The following NAV3 variants were observed in gnomAD, a reference collection of about 807,000 sequenced individuals.
NAV3 encodes neuron navigator 3, also known as pore membrane and/or filament interacting like protein 1.
NAV3 carries 87 observed loss-of-function variants against 244.7 expected under a neutral mutation model. The observed-to-expected ratio is 0.36, with a 90% CI of 0.30 to 0.42. The LOEUF (loss-of-function observed/expected upper bound fraction) is 0.42. NAV3 is among the 20% of genes least tolerant of loss of function. The probability of loss-of-function intolerance (pLI) is 1.00; values close to 1 mark genes in which losing one functional copy is unlikely to be tolerated. For synonymous variants in NAV3, 1,126 were observed against 1,042.2 expected (o/e 1.08, Z -1.55); for missense variants, 2,663 against 2,893.3 (o/e 0.92, Z 1.83).
At chr12:77,580,979 CA>C (rs1869335726) in intron 2 of NAV3, among the ~76,000 whole-genome samples, 1 of 152,144 alleles carries the variant, frequency 6.6e-6, no homozygotes, top group African/African-American at 2.4e-5. Flanking sequence ...GTTCCCCTGC[CA>C]TACTTCTCCA....
chr12:78,055,305 CAGAT>C (rs1417694770), intron 11 of NAV3, among the ~76,000 whole-genome samples: 1 of 151,240 alleles, frequency 6.6e-6, no homozygotes, highest in African/African-American at 2.5e-5. Flanking sequence ...TATTCTTAAA[CAGAT>C]AGTTGTTTTA....
intron 12 of NAV3, among the ~76,000 whole-genome samples, chr12:78,085,073 ATAAAG>A (rs1222541842): frequency 1.3e-5 from 2 of 152,186 alleles, no homozygotes; most frequent in East Asian, 1.9e-4. Context: ...TCCTATAAAA[ATAAAG>A]TATAGAAGAT....
rs531698636 is a variant in NAV3, at chr12:78,013,815, G to A, written c.1907+6370G>A. Among the ~76,000 whole-genome samples, 71 of 152,164 alleles carry A rather than the reference G, an allele frequency of 4.7e-4. 1 individual carries two copies. Among genetic ancestry groups the A allele is most frequent in the African/African-American group, 1.6e-3 (66 of 41,538 alleles). ...GAATTTCTTAGGTTTGTTAAATCTC[G>A]AAGGAGGTTCCAGTTATTGGAAGAA... On this transcript the variant is annotated intron_variant, in intron 8 of 39. Transcript: ENST00000397909.
intron 2 of NAV3, among the ~76,000 whole-genome samples, chr12:77,611,033 C>A (rs1193036678): frequency 6.6e-6 from 1 of 150,572 alleles, no homozygotes; most frequent in African/African-American, 2.4e-5. Flanking sequence ...AACTGTTTAG[C>A]TCTGCTTAAT....
chr12:77,831,770 T>TG (rs1873747604), intron 1 of NAV3, 66 bp downstream of exon 1: 1 of 1,501,070 alleles, frequency 6.7e-7, no homozygotes, highest in South Asian at 1.3e-5. Context: ...AAGTGCACTA[T>TG]AAAACATGTT....
chr12:77,824,392 C>T (rs1049076308), intron 2 of NAV3, among the ~76,000 whole-genome samples: 32 of 151,778 alleles, frequency 2.1e-4, no homozygotes, highest in Non-Finnish European at 4.0e-4. Flanking sequence ...TGCGCCCGGC[C>T]GAGAGTAAGA....
At position 77,691,333 on chromosome 12, in the gene NAV3, G is replaced by GTATA. The variant is rs1214933751; in HGVS notation, c.72+119068_72+119069insATAT. On this transcript the variant is annotated intron_variant, in intron 2 of 8. Coordinates refer to the NAV3 transcript ENST00000550042. ...TAGTCATATATAAGTATTTGTGTATGTGTGTATATATATATATATATACAT... is the reference window on the plus strand; with the variant it reads ...TAGTCATATATAAGTATTTGTGTATGTATATGTGTATATATATATATATATACAT... Among the ~76,000 whole-genome samples the GTATA allele has an allele frequency of 1.4e-3, 137 of 100,934 alleles. 5 individuals are homozygous for GTATA. Among genetic ancestry groups the GTATA allele is most frequent in the African/African-American group, 4.8e-3 (126 of 26,108 alleles). The allele number at this position is 100,934 out of a possible 152,430, so 66.2% of individuals were successfully genotyped here. A position where few individuals can be genotyped will look rare whatever the true frequency, so the allele number is the denominator to read the frequency against.
intron 2 of NAV3, among the ~76,000 whole-genome samples, chr12:77,628,871 A>G (rs1048402116): frequency 6.6e-6 from 1 of 150,490 alleles, no homozygotes; most frequent in Admixed American, 6.6e-5. Flanking sequence ...TCCACAGTCC[A>G]GCCTGGGCGA....
intron 2 of NAV3, among the ~76,000 whole-genome samples, chr12:77,684,166 A>T (rs1874605998): frequency 6.6e-6 from 1 of 152,110 alleles, no homozygotes; most frequent in East Asian, 1.9e-4. Context: ...TGTGGATTTA[A>T]TCTGCATTTT....
chr12:77,875,454 T>C (rs1434896739), intron 1 of NAV3, among the ~76,000 whole-genome samples: 1 of 152,134 alleles, frequency 6.6e-6, no homozygotes, highest in Non-Finnish European at 1.5e-5. Context: ...TATCAATTAA[T>C]TTATCAATTA....
intron 1 of NAV3, among the ~76,000 whole-genome samples, chr12:77,899,914 T>A (rs896006346): frequency 6.6e-6 from 1 of 152,130 alleles, no homozygotes; most frequent in South Asian, 2.1e-4. Context: ...AGGAGGTACA[T>A]GTGCACGCTT....
intron 2 of NAV3, among the ~76,000 whole-genome samples, chr12:77,585,928 C>G (rs906100491): frequency 2.0e-5 from 3 of 152,138 alleles, no homozygotes; most frequent in Non-Finnish European, 4.4e-5. Context: ...TTTGGGAGGC[C>G]GAGGCAGAAG....
chr12:77,595,885 C>G (rs1272334461), intron 2 of NAV3, among the ~76,000 whole-genome samples: 1 of 152,156 alleles, frequency 6.6e-6, no homozygotes, highest in Non-Finnish European at 1.5e-5. Context: ...TTTATGTTCA[C>G]ATTGTTCTAA....
rs189990455 is a variant in NAV3, at chr12:77,579,557, A to C, written c.72+7291A>C. Among the ~76,000 whole-genome samples the C allele has an allele frequency of 1.6e-3, 237 of 152,274 alleles. 2 individuals carry two copies. The highest frequency in any genetic ancestry group is 1.7e-3 in the Non-Finnish European group (117 of 68,010). The stretch of plus-strand genomic sequence containing the variant: ...ACTCTTTTACAGCAGCACCAACCCA[A>C]CCATGAGGGTGGAGCCCTCAGTACA... On this transcript the variant is annotated intron_variant, in intron 2 of 8. Coordinates refer to the NAV3 transcript ENST00000550042.
At chr12:77,943,125 C>T (rs1444345594) in intron 3 of NAV3, among the ~76,000 whole-genome samples, 2 of 152,106 alleles carry the variant, frequency 1.3e-5, no homozygotes, top group Non-Finnish European at 2.9e-5. Flanking sequence ...CTGTTTTTAC[C>T]TATTTATCTG....
chr12:78,037,067 G>A, intron 9 of NAV3: 1 of 702,898 alleles, frequency 1.4e-6, no homozygotes. Flanking sequence ...GGCGCTCACT[G>A]TCCAAGTTTC....
chr12:77,590,804 C>T (rs1406537969), intron 2 of NAV3, among the ~76,000 whole-genome samples: 4 of 152,158 alleles, frequency 2.6e-5, no homozygotes, highest in South Asian at 2.1e-4. Context: ...CAGGTTGTAG[C>T]GTCCTACAGA....
chr12:77,789,656 A>C (rs975435017), intron 2 of NAV3, among the ~76,000 whole-genome samples: 4 of 151,960 alleles, frequency 2.6e-5, no homozygotes, highest in Non-Finnish European at 5.9e-5. Flanking sequence ...CTAAAAATAC[A>C]AAAAGCAGCC....
At chr12:77,883,890 A>G (rs1275569882) in intron 1 of NAV3, among the ~76,000 whole-genome samples, 1 of 152,088 alleles carries the variant, frequency 6.6e-6, no homozygotes, top group East Asian at 1.9e-4. Flanking sequence ...AAAAAATGTG[A>G]TTGTATTTTC....
Sources: allele counts gnomAD v4.1 joint callset (sites outside exome capture counted in the v4.1 genomes callset), GRCh38; gene constraint gnomAD v4.1.1; transcripts MANE v1.5; gene names NCBI Gene and HGNC (gene_info 2026-07-23, HGNC 2026-07-21).